Variants in NARS1 observed in about 807,000 individuals in gnomAD.
NARS1 encodes the protein asparagine--tRNA ligase, cytoplasmic.
Under a neutral mutation model 79.2 loss-of-function variants are expected in NARS1, and 65 were observed. That is an observed-to-expected ratio of 0.82 (90% CI 0.67 to 1.01). The LOEUF is 1.01. NARS1 is among the 50% of genes least tolerant of loss of function. NARS1 has a pLI of 0.00. For synonymous variants in NARS1, 229 were observed against 238.8 expected (o/e 0.96, Z 0.38); for missense variants, 649 against 673.8 (o/e 0.96, Z 0.41).
Position 57,621,752 on chromosome 18 carries a change from G to T in NARS1, c.-35C>A, listed in dbSNP as rs571642293. 3.7e-6 allele frequency: 6 copies of T among 1,613,964 alleles called. No homozygotes were observed. In the South Asian group the frequency reaches 5.5e-5, roughly 15 times the overall value. ...GGCCCTGGTCACCTCCAAGGACACAGACTGCAACACCGACGCCGTCTTATG... is the reference window on the plus strand; with the variant it reads ...GGCCCTGGTCACCTCCAAGGACACATACTGCAACACCGACGCCGTCTTATG... On this transcript the variant is annotated 5_prime_UTR_variant, in exon 1 of 14. It adds an upstream start codon to the 5' untranslated region. Transcript: ENST00000256854.
chr18:57,616,459 G>C (rs1296966576), intron 2 of NARS1, among the ~76,000 whole-genome samples: 1 of 150,976 alleles, frequency 6.6e-6, no homozygotes, highest in Non-Finnish European at 1.5e-5. Flanking sequence ...ACTGGTTAAA[G>C]CTGAAGCTCT....
chr18:57,616,673 G>A (rs944219333), intron 2 of NARS1, among the ~76,000 whole-genome samples: 4 of 151,632 alleles, frequency 2.6e-5, no homozygotes, highest in Admixed American at 6.6e-5. Context: ...AGAAGTGTCA[G>A]ACATTTTTGA....
In NARS1 at chr18:57,607,499, C is replaced by G. The variant is rs747083920; in HGVS notation, c.746G>C (p.Arg249Pro). The G allele has an allele frequency of 6.2e-7, 1 of 1,614,030 alleles. No individual in the cohort carries two copies. Among genetic ancestry groups the G allele is most frequent in the African/African-American group, 1.3e-5 (1 of 74,898 alleles). Residue 249 changes from arginine to proline, a missense_variant, in exon 8 of 14, where the codon CGA becomes CCA. Coordinates refer to ENST00000256854, the MANE Select transcript of NARS1 (RefSeq NM_004539.4). ...GENMSKILKA[R>P]SMVTRCFRDH... The stretch of plus-strand genomic sequence containing the variant: ...TCTAAAGCACCTGGTGACCATGGAT[C>G]GTGCTTTTAGGATTTTGGACATGTT...
In NARS1 at chr18:57,604,003, C is replaced by A. The variant is rs193273519; in HGVS notation, c.1252-1060G>T. Among the ~76,000 whole-genome samples, 35 of 152,320 alleles carry A rather than the reference C, an allele frequency of 2.3e-4. No homozygotes were observed. The Middle Eastern group carries it at 0.01, about 44-fold the overall frequency. ...TCCCCCTGCCATTGTCCTGCCTAGG[C>A]ATTTAGCTCCGGTAGTCCCCACAAT... is the stretch of plus-strand genomic sequence containing the variant. On this transcript the variant is annotated intron_variant, in intron 11 of 13. Coordinates refer to ENST00000256854, the MANE Select transcript of NARS1 (RefSeq NM_004539.4).
In NARS1 at chr18:57,609,417, C is replaced by T. The variant is rs929649109; in HGVS notation, c.519G>A (p.Leu173=). The T allele has an allele frequency of 6.8e-6, 11 of 1,613,704 alleles. No homozygotes were observed. Among genetic ancestry groups the T allele is most frequent in the African/African-American group, 6.7e-5 (5 of 74,896 alleles). The change falls in exon 7 of 14, where the codon TTG becomes TTA. Residue 173 remains leucine (L), a synonymous_variant. Transcript: ENST00000256854. ...ELCQCYNGVL[L]STESSVAVYG... ...ACACTGCAACACTGCTCTCCGTGGA[C>T]AAGAGAACTCCATTGTAGCACTGAC...
At chr18:57,608,811 T>C (rs1445710318) in intron 7 of NARS1, among the ~76,000 whole-genome samples, 7 of 152,170 alleles carry the variant, frequency 4.6e-5, no homozygotes, top group Non-Finnish European at 1.0e-4. Flanking sequence ...CAGAGAAGAT[T>C]AACATTTAAG....
Position 57,606,662 on chromosome 18 carries a change from C to T in NARS1, c.1091G>A (p.Arg364Gln), listed in dbSNP as rs765537142. The T allele has an allele frequency of 4.3e-6, 7 of 1,613,982 alleles. No individual in the cohort carries two copies. Among genetic ancestry groups the T allele is most frequent in the Non-Finnish European group, 4.2e-6 (5 of 1,179,992 alleles). ...LEDLVCDVVD[R>Q]ILKSPAGSIV... The stretch of plus-strand genomic sequence containing the variant: ...GCTCCCTGCAGGTGACTTCAATATT[C>T]GATCTACCACATCACAAACCAAGTC... Residue 364 changes from arginine (R) to glutamine (Q), a missense_variant, in exon 10 of 14, where the codon CGA becomes CAA. By Grantham distance (43) the Arg-to-Gln change is conservative. Transcript: ENST00000256854.
chr18:57,600,706 GA>G lies in NARS1; in HGVS notation c.*945del, dbSNP rs1568161317. 6.6e-6 allele frequency: 1 copy of G among 152,292 alleles called. No homozygotes were observed. The highest frequency in any genetic ancestry group is 1.9e-4 in the East Asian group (1 of 5,188). 9.4% of individuals were successfully genotyped at this position (152,292 alleles called of 1,614,324 possible). On this transcript the variant is annotated 3_prime_UTR_variant, in exon 14 of 14. Coordinates refer to ENST00000256854, the MANE Select transcript of NARS1 (RefSeq NM_004539.4). ...GACTGCTGGGAATACAGCCTATTGA[GA>G]ATACATGACATGCATTTGGTGGAGA...
chr18:57,617,096 T>A (rs1268979326), intron 2 of NARS1, among the ~76,000 whole-genome samples: 1 of 152,164 alleles, frequency 6.6e-6, no homozygotes, highest in Non-Finnish European at 1.5e-5. Context: ...ATGTATTGTT[T>A]GTAGTTTTTA....
intron 11 of NARS1, among the ~76,000 whole-genome samples, chr18:57,603,977 C>A (rs549821833): frequency 6.6e-6 from 1 of 152,342 alleles, no homozygotes; most frequent in East Asian, 1.9e-4. Flanking sequence ...TGCTGACAGG[C>A]TCCCCCTGCC....
intron 2 of NARS1, 88 bp downstream of exon 2, chr18:57,620,481 T>G: frequency 1.2e-6 from 1 of 867,858 alleles, no homozygotes; most frequent in Non-Finnish European, 1.9e-6. Flanking sequence ...ACCTAGTGTT[T>G]GAAATTAAGT....
In NARS1 at chr18:57,613,697, A is replaced by T; in HGVS notation, c.343-17T>A. 1 of 1,600,268 alleles carries T rather than the reference A, an allele frequency of 6.2e-7. No individual in the cohort carries two copies. Among genetic ancestry groups the T allele is most frequent in the East Asian group, 2.2e-5 (1 of 44,824 alleles). On this transcript the variant is annotated splice_polypyrimidine_tract_variant and intron_variant, in intron 4 of 13. Transcript: ENST00000256854. ...AATCTTCACCTGTCAAATTGAAATAAACAACATTTGTTCAATAATGTCATT... is the reference window on the plus strand; with the variant it reads ...AATCTTCACCTGTCAAATTGAAATATACAACATTTGTTCAATAATGTCATT...
At chr18:57,621,019 C>CTTAT (rs1453532047) in intron 1 of NARS1, among the ~76,000 whole-genome samples, 1 of 152,174 alleles carries the variant, frequency 6.6e-6, no homozygotes, top group Non-Finnish European at 1.5e-5. Flanking sequence ...CCTTTCTGAG[C>CTTAT]TTATTTCTTT....
chr18:57,605,739 G>T, intron 11 of NARS1, 118 bp downstream of exon 11: 1 of 690,994 alleles, frequency 1.4e-6, no homozygotes. Context: ...AGCAGGTCCT[G>T]CTGTTACCAT....
chr18:57,618,056 C>A (rs12458303), intron 2 of NARS1, among the ~76,000 whole-genome samples: 11,980 of 150,836 alleles, frequency 0.079, 946 homozygotes, highest in East Asian at 0.33. Context: ...GTGAGTGGAT[C>A]ACCTGAGCTC....
chr18:57,617,840 G>A (rs1350285741), intron 2 of NARS1, among the ~76,000 whole-genome samples: 12 of 150,102 alleles, frequency 8.0e-5, no homozygotes, highest in Admixed American at 1.3e-4. Flanking sequence ...TCTTGAATCC[G>A]GGAGGCAGAG....
rs1222020114 is a variant in NARS1, at chr18:57,601,007, C to T, written c.*645G>A. 1 of 152,212 alleles carries T rather than the reference C, an allele frequency of 6.6e-6. No homozygotes were observed. The highest frequency in any genetic ancestry group is 2.4e-5 in the African/African-American group (1 of 41,462). 9.4% of individuals were successfully genotyped at this position (152,212 alleles called of 1,614,324 possible). A position where few individuals can be genotyped will look rare whatever the true frequency, so the allele number is the denominator to read the frequency against. On this transcript the variant is annotated 3_prime_UTR_variant, in exon 14 of 14. Transcript: ENST00000256854. ...AACTCTCCCCAAAATTATGTTCTTA[C>T]TTCAAATCCTTTAAGGCAATTCTAT...
intron 2 of NARS1, among the ~76,000 whole-genome samples, chr18:57,618,030 A>C (rs1231381865): frequency 6.6e-6 from 1 of 151,710 alleles, no homozygotes; most frequent in Non-Finnish European, 1.5e-5. Context: ...TAATCCCAGC[A>C]CTTTAGGAGG....
Position 57,615,681 on chromosome 18 carries a change from ATCT to A in NARS1, c.299_301del (p.Lys100del). ...GAGACTTGGATCATTTTTAATGGTA[ATCT>A]TCTTTGCTTCTTCCAGGTTCTTTTC... On this transcript the variant is annotated inframe_deletion, in exon 4 of 14. Coordinates refer to ENST00000256854, the MANE Select transcript of NARS1 (RefSeq NM_004539.4). 1.2e-6 allele frequency: 2 copies of A among 1,613,064 alleles called. No homozygotes were observed. The highest frequency in any genetic ancestry group is 1.7e-6 in the Non-Finnish European group (2 of 1,179,658).
Sources: gnomAD v4.1 joint callset for allele counts (sites outside exome capture counted in the v4.1 genomes callset) on GRCh38, gnomAD v4.1.1 for gene constraint, MANE v1.5 for transcripts, NCBI Gene and HGNC (gene_info 2026-07-23, HGNC 2026-07-21) for gene names.